Variants in ELFN2 observed in about 807,000 individuals in gnomAD.
ELFN2 encodes the protein protein phosphatase 1 regulatory subunit 29.
In ELFN2, 17 loss-of-function variants were observed where a neutral mutation model predicts 45.5. The ratio of observed to expected loss-of-function variants is 0.37; its 90% CI spans 0.26 to 0.56. ELFN2 has a LOEUF of 0.56. Among genes scored for constraint, ELFN2 ranks in the 20% least tolerant of loss-of-function variants. ELFN2 has a pLI of 0.77. For missense variants in ELFN2, 922 were observed against 1,183.2 expected, an observed-to-expected ratio of 0.78 and a Z score of 3.24; for synonymous variants, 550 against 551.5, an observed-to-expected ratio of 1.00 and a Z score of 0.04.
intron 2 of ELFN2, among the ~76,000 whole-genome samples, chr22:37,396,537 C>T (rs9610734): frequency 0.22 from 34,177 of 152,020 alleles, 4,017 homozygotes; most frequent in South Asian, 0.39. Flanking sequence ...TCAGAGCTGG[C>T]AGATCCCTTA....
intron 1 of ELFN2, among the ~76,000 whole-genome samples, chr22:37,358,007 C>T (rs114849067): frequency 0.017 from 2,600 of 152,276 alleles, 69 homozygotes; most frequent in African/African-American, 0.06. Flanking sequence ...TCATCCCTTG[C>T]GTGGCAGGGA....
intron 1 of ELFN2, among the ~76,000 whole-genome samples, chr22:37,356,906 C>A (rs185060747): frequency 2.0e-3 from 301 of 152,340 alleles, no homozygotes; most frequent in Non-Finnish European, 3.7e-3. Flanking sequence ...TTGGAAAGTT[C>A]ATTGTCTTGT....
Position 37,373,676 on chromosome 22 carries a change from G to A in ELFN2, c.1859C>T (p.Ala620Val). 6.4e-7 allele frequency: 1 copy of A among 1,569,378 alleles called. No homozygotes were observed. The highest frequency in any genetic ancestry group is 8.6e-7 in the Non-Finnish European group (1 of 1,160,662). ...SHHPLQRQLSADAAVTRKTCS... is the reference protein window; with the variant it reads ...SHHPLQRQLSVDAAVTRKTCS... The stretch of plus-strand genomic sequence containing the variant: ...GGTCTTGCGGGTCACGGCCGCGTCG[G>A]CGCTCAGCTGGCGCTGTAGTGGGTG... Residue 620 changes from alanine to valine, a missense_variant, in exon 3 of 3, where the codon GCC becomes GTC. Ala to Val is a moderately conservative substitution (Grantham distance 64). Around this residue, in one of 2 missense-constraint regions of ELFN2, gnomAD observed 564 missense variants for 642.8 expected, o/e 0.88. Transcript: ENST00000402918.
chr22:37,424,481 T>C (rs1484561963), intron 1 of ELFN2, among the ~76,000 whole-genome samples: 2 of 152,060 alleles, frequency 1.3e-5, no homozygotes, highest in Admixed American at 6.5e-5. Context: ...TTCTGGAGCT[T>C]GTGGGTGGAA....
downstream of ELFN2, among the ~76,000 whole-genome samples, chr22:37,364,066 G>A (rs763473086): frequency 9.9e-5 from 15 of 152,214 alleles, no homozygotes; most frequent in Non-Finnish European, 1.6e-4. Context: ...GGGGTAAAGT[G>A]AGACCAAGAG....
At chr22:37,359,662 C>G (rs575820073) in intron 1 of ELFN2, among the ~76,000 whole-genome samples, 2 of 152,334 alleles carry the variant, frequency 1.3e-5, no homozygotes, top group East Asian at 3.9e-4. Flanking sequence ...GAAATTGAGG[C>G]TCTGGAGTTC....
At position 37,373,537 on chromosome 22, in the gene ELFN2, C is replaced by A. The variant is rs768862895; in HGVS notation, c.1998G>T (p.Lys666Asn). 1 of 1,583,986 alleles carries A rather than the reference C, an allele frequency of 6.3e-7. No homozygotes were observed. Among genetic ancestry groups the A allele is most frequent in the East Asian group, 2.3e-5 (1 of 43,738 alleles). ...LAKGDSKYIE[K>N]GSPLNSPLDR... The stretch of plus-strand genomic sequence containing the variant: ...CCAGCGGGCTGTTGAGGGGGCTGCC[C>A]TTCTCGATGTACTTGGAGTCGCCCT... The change falls in exon 3 of 3, where the codon AAG becomes AAT. Residue 666 changes from lysine (K) to asparagine (N), a missense_variant. Around this residue, in one of 2 missense-constraint regions of ELFN2, gnomAD observed 564 missense variants for 642.8 expected, o/e 0.88. Coordinates refer to ENST00000402918, the MANE Select transcript of ELFN2 (RefSeq NM_052906.5).
At chr22:37,402,543 C>T (rs5995427) in intron 2 of ELFN2, among the ~76,000 whole-genome samples, 4 of 151,904 alleles carry the variant, frequency 2.6e-5, no homozygotes, top group African/African-American at 7.3e-5. Context: ...CCCAGCTGAC[C>T]GATAAGGAAA....
intron 2 of ELFN2, among the ~76,000 whole-genome samples, chr22:37,377,148 G>A (rs1345239495): frequency 6.6e-6 from 1 of 152,234 alleles, no homozygotes; most frequent in Non-Finnish European, 1.5e-5. Flanking sequence ...GGCAGGGGAG[G>A]CACCACGGGG....
At chr22:37,351,950 T>C (rs59918786) in intron 1 of ELFN2, among the ~76,000 whole-genome samples, 42,482 of 150,622 alleles carry the variant, frequency 0.28, 7,788 homozygotes, top group Middle Eastern at 0.36. Flanking sequence ...TGCGCCTGCC[T>C]GGCCCCCGAG....
intron 1 of ELFN2, among the ~76,000 whole-genome samples, chr22:37,348,227 G>A (rs1165066743): frequency 6.6e-6 from 1 of 152,120 alleles, no homozygotes; most frequent in African/African-American, 2.4e-5. Flanking sequence ...GCTGGGGAAG[G>A]AGGAGAGCAG....
At chr22:37,391,269 C>T (rs552221039) in intron 2 of ELFN2, among the ~76,000 whole-genome samples, 2 of 152,298 alleles carry the variant, frequency 1.3e-5, no homozygotes, top group East Asian at 3.9e-4. Flanking sequence ...CCACCTTCTG[C>T]CTGGACCACA....
rs997608599 is a variant in ELFN2 at position 37,405,861 on chromosome 22, G to T, written c.-463+11908C>A. 1.6e-4 allele frequency among the ~76,000 whole-genome samples: 24 copies of T among 151,904 alleles called. No homozygotes were observed. The East Asian group carries it at 4.4e-3, about 28-fold the overall frequency. On this transcript the variant is annotated intron_variant, in intron 2 of 2. Transcript: ENST00000402918. ...GTGGAGGGGGGGTGGTCCTGGGCAG[G>T]CACAATGGCTCGCGCTTGTCATCTG... is the stretch of plus-strand genomic sequence containing the variant.
intron 2 of ELFN2, among the ~76,000 whole-genome samples, chr22:37,384,653 C>T (rs574787204): frequency 1.5e-4 from 5 of 33,386 alleles, no homozygotes; most frequent in African/African-American, 1.1e-4. Context: ...GACCCCTGGC[C>T]TCTCCCCACC....
At chr22:37,382,489 C>T (rs1322005767) in intron 2 of ELFN2, among the ~76,000 whole-genome samples, 2 of 151,616 alleles carry the variant, frequency 1.3e-5, no homozygotes, top group African/African-American at 2.4e-5. Context: ...GTGATCCGCC[C>T]GCCTCGGCCT....
chr22:37,418,577 C>T (rs1932784045), intron 1 of ELFN2, among the ~76,000 whole-genome samples: 1 of 151,812 alleles, frequency 6.6e-6, no homozygotes, highest in African/African-American at 2.4e-5. Context: ...CACACACTCT[C>T]ACACTCCCCT....
chr22:37,399,048 G>A (rs936456849), intron 2 of ELFN2, among the ~76,000 whole-genome samples: 15 of 152,004 alleles, frequency 9.9e-5, no homozygotes, highest in Non-Finnish European at 1.8e-4. Flanking sequence ...GGCCCGGAGG[G>A]AGCTCAGGGG....
chr22:37,398,015 G>A (rs936869087), intron 2 of ELFN2, among the ~76,000 whole-genome samples: 14 of 152,150 alleles, frequency 9.2e-5, no homozygotes, highest in African/African-American at 2.7e-4. Context: ...AAATGAGACG[G>A]TAAGGACACA....
chr22:37,377,483 C>T (rs997168018), intron 2 of ELFN2, among the ~76,000 whole-genome samples: 4 of 152,180 alleles, frequency 2.6e-5, no homozygotes, highest in Non-Finnish European at 4.4e-5. Flanking sequence ...GAGAAGAGTG[C>T]TTAAAAAAAA....
Sources: allele counts gnomAD v4.1 joint callset (sites outside exome capture counted in the v4.1 genomes callset), GRCh38; gene constraint gnomAD v4.1.1; regional missense constraint gnomAD v4.1.1; transcripts MANE v1.5; gene names NCBI Gene and HGNC (gene_info 2026-07-23, HGNC 2026-07-21).